CCDC73: variants seen among roughly 807,000 people sequenced by gnomAD.
CCDC73 encodes the protein coiled-coil domain containing 73.
Under a neutral mutation model 116.5 loss-of-function variants are expected in CCDC73, and 95 were observed. The ratio of observed to expected loss-of-function variants is 0.82; its 90% CI spans 0.69 to 0.97. CCDC73 has a LOEUF of 0.97. CCDC73 is among the 50% of genes least tolerant of loss of function. The pLI, the probability that CCDC73 is intolerant of heterozygous loss-of-function variation, is 0.00. For missense variants in CCDC73, 1,066 were observed against 1,206.8 expected (o/e 0.88, Z 1.73); for synonymous variants, 398 against 401.3 (o/e 0.99, Z 0.10).
chr11:32,774,820 C>T (rs1189360369), intron 1 of CCDC73, among the ~76,000 whole-genome samples: 1 of 152,076 alleles, frequency 6.6e-6, no homozygotes, highest in African/African-American at 2.4e-5. Context: ...AATGCAAGTA[C>T]TTCAGGATAG....
chr11:32,673,943 G>A (rs1856061743), intron 9 of CCDC73, among the ~76,000 whole-genome samples: 1 of 152,156 alleles, frequency 6.6e-6, no homozygotes, highest in African/African-American at 2.4e-5. Context: ...GAGAGAAGTA[G>A]TGATCTGTTG....
At chr11:32,639,854 A>G (rs1855716814) in intron 13 of CCDC73, among the ~76,000 whole-genome samples, 1 of 152,244 alleles carries the variant, frequency 6.6e-6, no homozygotes, top group Non-Finnish European at 1.5e-5. Flanking sequence ...AGTCAAAATA[A>G]AAAGATATAC....
At chr11:32,755,559 A>ATG (rs1850327262) in intron 2 of CCDC73, among the ~76,000 whole-genome samples, 1 of 137,708 alleles carries the variant, frequency 7.3e-6, no homozygotes, top group Non-Finnish European at 1.5e-5. Context: ...ATATATATAT[A>ATG]TATGTACATA....
intron 6 of CCDC73, among the ~76,000 whole-genome samples, chr11:32,686,777 G>A (rs1856205699): frequency 1.3e-5 from 2 of 152,024 alleles, no homozygotes; most frequent in Admixed American, 6.6e-5. Context: ...CTCCCACATA[G>A]CTGCATTTCT....
At chr11:32,734,537 A>C (rs1160711052) in intron 2 of CCDC73, among the ~76,000 whole-genome samples, 4 of 151,576 alleles carry the variant, frequency 2.6e-5, no homozygotes, top group Admixed American at 6.6e-5. Context: ...AAGTGAACAA[A>C]GGTCTCTGGT....
At chr11:32,805,825 G>C in the CCDC73 span, among the ~76,000 whole-genome samples, 2 of 152,256 alleles carry the variant, frequency 1.3e-5, no homozygotes, top group South Asian at 2.1e-4. Flanking sequence ...GAGCCACCAA[G>C]TGCTTCTCTG....
chr11:32,737,778 A>T (rs1336223183), intron 2 of CCDC73, among the ~76,000 whole-genome samples: 1 of 151,790 alleles, frequency 6.6e-6, no homozygotes, highest in East Asian at 1.9e-4. Flanking sequence ...CAGTTACTAG[A>T]TCTTATTCAG....
At chr11:32,791,099 G>GA (rs1850672347) in intron 1 of CCDC73, among the ~76,000 whole-genome samples, 1 of 152,142 alleles carries the variant, frequency 6.6e-6, no homozygotes, top group Non-Finnish European at 1.5e-5. Context: ...ATCAGTGCCA[G>GA]AAAATCTCAT....
intron 2 of CCDC73, among the ~76,000 whole-genome samples, chr11:32,730,848 G>A (rs1050682955): frequency 2.6e-5 from 4 of 152,218 alleles, no homozygotes; most frequent in African/African-American, 7.2e-5. Flanking sequence ...TAGCATGAGC[G>A]ATGCAGAAGA....
chr11:32,678,087 T>C (rs1440767757), intron 7 of CCDC73, among the ~76,000 whole-genome samples: 1 of 151,826 alleles, frequency 6.6e-6, no homozygotes, highest in East Asian at 1.9e-4. Flanking sequence ...GAGACCAGCC[T>C]GGCCAACATA....
At chr11:32,710,627 T>A (rs1454941633) in intron 3 of CCDC73, among the ~76,000 whole-genome samples, 1 of 152,172 alleles carries the variant, frequency 6.6e-6, no homozygotes, top group Admixed American at 6.5e-5. Context: ...CTGGAGAATG[T>A]TCCATGTACT....
intron 1 of CCDC73, among the ~76,000 whole-genome samples, chr11:32,768,491 T>TA (rs1321715306): frequency 2.6e-5 from 4 of 151,232 alleles, no homozygotes; most frequent in African/African-American, 7.3e-5. Flanking sequence ...TAAAATAAAA[T>TA]AAAAAAAGAA....
At chr11:32,664,560 T>G (rs940052278) in intron 9 of CCDC73, among the ~76,000 whole-genome samples, 2 of 152,178 alleles carry the variant, frequency 1.3e-5, no homozygotes, top group African/African-American at 4.8e-5. Context: ...GTCTATTTGA[T>G]TCTTCTCTTT....
chr11:32,730,259 T>C (rs997519225), intron 2 of CCDC73, among the ~76,000 whole-genome samples: 15 of 152,214 alleles, frequency 9.9e-5, no homozygotes, highest in Non-Finnish European at 1.6e-4. Flanking sequence ...ACCCCTCTCC[T>C]ATCCTCCAAT....
At chr11:32,726,590 A>G (rs1453536946) in intron 2 of CCDC73, among the ~76,000 whole-genome samples, 2 of 152,154 alleles carry the variant, frequency 1.3e-5, no homozygotes, top group Admixed American at 6.5e-5. Context: ...GTTGATCTAT[A>G]TAATTCATAT....
chr11:32,671,527 A>T (rs1164869511), intron 9 of CCDC73, among the ~76,000 whole-genome samples: 2 of 152,236 alleles, frequency 1.3e-5, no homozygotes, highest in Non-Finnish European at 1.5e-5. Context: ...GAAGTTTTAA[A>T]TAAGTGATAT....
chr11:32,788,881 TAAAC>T (rs1850649593), intron 1 of CCDC73, among the ~76,000 whole-genome samples: 1 of 152,038 alleles, frequency 6.6e-6, no homozygotes. Flanking sequence ...ACATGGTAGA[TAAAC>T]AAAAAAGGGT....
rs150003742 is a variant in CCDC73, at chr11:32,762,911, T to A, written c.-15-2653A>T. Among the ~76,000 whole-genome samples the A allele has an allele frequency of 7.2e-3, 1,100 of 152,228 alleles. 17 individuals are homozygous for A. Among genetic ancestry groups the A allele is most frequent in the African/African-American group, 0.026 (1,060 of 41,548 alleles). ...AGTCACTCCCACCCTAATACTGCAC[T>A]TTTCCAAGGGTCCTAGCAAACGGCA... On this transcript the variant is annotated intron_variant, in intron 1 of 17. Coordinates refer to ENST00000335185, the MANE Select transcript of CCDC73 (RefSeq NM_001008391.4).
At chr11:32,792,669 CTCAG>C (rs1012892844) in intron 1 of CCDC73, among the ~76,000 whole-genome samples, 2 of 152,204 alleles carry the variant, frequency 1.3e-5, no homozygotes, top group Non-Finnish European at 2.9e-5. Flanking sequence ...CTTCAGAAAA[CTCAG>C]TCAGATTTCT....
Sources: allele counts gnomAD v4.1 joint callset (sites outside exome capture counted in the v4.1 genomes callset), GRCh38; gene constraint gnomAD v4.1.1; transcripts MANE v1.5; gene names NCBI Gene and HGNC (gene_info 2026-07-23, HGNC 2026-07-21).